Variants in TRHDE observed in about 807,000 individuals in gnomAD.
TRHDE encodes thyrotropin releasing hormone degrading enzyme.
Under a neutral mutation model 125.7 loss-of-function variants are expected in TRHDE, and 72 were observed. The ratio of observed to expected loss-of-function variants is 0.57; its 90% CI spans 0.47 to 0.70. The LOEUF (loss-of-function observed/expected upper bound fraction) is 0.70. Ranked by LOEUF, TRHDE falls within the 30% of genes least tolerant of loss-of-function variation. The pLI is 0.00. For synonymous variants in TRHDE, 509 were observed against 509.1 expected (o/e 1.00, Z 0.00); for missense variants, 1,110 against 1,327.1 (o/e 0.84, Z 2.54).
intron 2 of TRHDE, among the ~76,000 whole-genome samples, chr12:72,291,102 C>T (rs540172725): frequency 3.3e-5 from 5 of 152,284 alleles, no homozygotes; most frequent in African/African-American, 1.2e-4. Context: ...CAACATCAGG[C>T]TCAGACTTGA....
Position 72,551,200 on chromosome 12 carries a change from C to T in TRHDE, c.1788+8844C>T, listed in dbSNP as rs146406944. 1.1e-4 allele frequency among the ~76,000 whole-genome samples: 16 copies of T among 152,124 alleles called. No homozygotes were observed. The East Asian group carries it at 3.1e-3, about 29-fold the overall frequency. ...TAGTGGCTTAGGAGTGTTGCAAAGA[C>T]TTAAGTTACATGTTTTGAACCTGGT... On this transcript the variant is annotated intron_variant, in intron 7 of 18. Transcript: ENST00000261180.
rs1592577787 is a variant in TRHDE at position 72,621,317 on chromosome 12, C to CT, written c.2567+114dup. On this transcript the variant is annotated intron_variant, in intron 14 of 18. Coordinates refer to ENST00000261180, the MANE Select transcript of TRHDE (RefSeq NM_013381.3). The stretch of plus-strand genomic sequence containing the variant: ...AGACAATCTTCCTTTCATTCTTCAT[C>CT]TTACATTTCACTTTCCCGAGAGGAC... The CT allele has an allele frequency of 5.4e-6, 4 of 744,560 alleles. No homozygotes were observed. In the East Asian group the frequency reaches 8.0e-5, roughly 15 times the overall value. 46.1% of individuals were successfully genotyped at this position (744,560 alleles called of 1,614,324 possible).
intron 2 of TRHDE, among the ~76,000 whole-genome samples, chr12:72,266,690 T>C (rs998580597): frequency 3.3e-5 from 5 of 151,994 alleles, no homozygotes; most frequent in African/African-American, 1.2e-4. Context: ...TAGCAAGTAT[T>C]CATTATGCAA....
At chr12:72,140,652 T>C (rs970636983) in intron 2 of TRHDE, among the ~76,000 whole-genome samples, 1 of 152,178 alleles carries the variant, frequency 6.6e-6, no homozygotes, top group Non-Finnish European at 1.5e-5. Flanking sequence ...AATGAGAATA[T>C]AATTATTTTT....
intron 2 of TRHDE, among the ~76,000 whole-genome samples, chr12:72,130,188 T>C (rs1875828500): frequency 6.6e-6 from 1 of 152,072 alleles, no homozygotes; most frequent in Admixed American, 6.6e-5. Context: ...TAATCCCAGC[T>C]ACTCGGGAGG....
chr12:72,493,071 T>C (rs2135928409), intron 5 of TRHDE, among the ~76,000 whole-genome samples: 1 of 152,046 alleles, frequency 6.6e-6, no homozygotes, highest in East Asian at 1.9e-4. Context: ...GGACCTCCTA[T>C]AGAAGAGGGA....
intron 10 of TRHDE, among the ~76,000 whole-genome samples, chr12:72,570,843 C>T (rs972657199): frequency 2.0e-5 from 3 of 152,132 alleles, no homozygotes; most frequent in Non-Finnish European, 4.4e-5. Flanking sequence ...TGGCACAGGC[C>T]CTCACCCCAA....
intron 2 of TRHDE, among the ~76,000 whole-genome samples, chr12:72,289,162 T>A (rs891322834): frequency 1.3e-5 from 2 of 152,086 alleles, no homozygotes; most frequent in Non-Finnish European, 2.9e-5. Context: ...ATCTTGGATG[T>A]GGGATGATCA....
rs185393422 is a variant in TRHDE at position 72,379,534 on chromosome 12, T to C, written c.1315+1413T>C. Among the ~76,000 whole-genome samples the C allele has an allele frequency of 3.1e-3, 477 of 152,332 alleles. 1 individual carries two copies. Among genetic ancestry groups the C allele is most frequent in the African/African-American group, 0.011 (442 of 41,578 alleles). On this transcript the variant is annotated intron_variant, in intron 3 of 18. Transcript: ENST00000261180. ...TATAACTGGCTGGGAACTTCCCAGC[T>C]TGACCCTAATGTAAAATTCACAAGT... is the stretch of plus-strand genomic sequence containing the variant.
chr12:72,348,948 A>AT (rs1366007665), intron 2 of TRHDE, among the ~76,000 whole-genome samples: 3 of 151,460 alleles, frequency 2.0e-5, no homozygotes, highest in African/African-American at 4.8e-5. Context: ...GGTAAGTTTG[A>AT]TTTTTTGTTT....
chr12:72,401,029 C>CT (rs1409425486), intron 3 of TRHDE, among the ~76,000 whole-genome samples: 1 of 152,010 alleles, frequency 6.6e-6, no homozygotes, highest in African/African-American at 2.4e-5. Context: ...CCAATTTCTC[C>CT]TTTTTTTCTA....
chr12:72,248,216 G>A (rs1001508617), intron 2 of TRHDE, among the ~76,000 whole-genome samples: 1 of 152,138 alleles, frequency 6.6e-6, no homozygotes, highest in African/African-American at 2.4e-5. Context: ...TCAAGAGATC[G>A]AGATCATCCT....
chr12:72,122,098 G>A (rs1162113607), intron 2 of TRHDE, among the ~76,000 whole-genome samples: 1 of 151,986 alleles, frequency 6.6e-6, no homozygotes, highest in African/African-American at 2.4e-5. Flanking sequence ...GAGGGTTCTA[G>A]TTTGTCCTTG....
chr12:72,097,564 C>T (rs1169873583), intron 1 of TRHDE, among the ~76,000 whole-genome samples: 1 of 151,372 alleles, frequency 6.6e-6, no homozygotes, highest in Non-Finnish European at 1.5e-5. Flanking sequence ...ATTCTCCCAC[C>T]TCAGTCTCCT....
intron 1 of TRHDE, among the ~76,000 whole-genome samples, chr12:72,278,192 A>G (rs1004910368): frequency 1.3e-5 from 2 of 152,062 alleles, no homozygotes; most frequent in African/African-American, 4.8e-5. Context: ...AGATCATGCA[A>G]TATTTGTCTT....
chr12:72,154,049 C>G (rs916925067), intron 2 of TRHDE, among the ~76,000 whole-genome samples: 7 of 152,288 alleles, frequency 4.6e-5, no homozygotes, highest in African/African-American at 1.7e-4. Flanking sequence ...TTGTAGGTCT[C>G]TAAGGACTTG....
At chr12:72,156,832 A>G (rs1334364033) in intron 2 of TRHDE, among the ~76,000 whole-genome samples, 2 of 152,190 alleles carry the variant, frequency 1.3e-5, no homozygotes, top group Non-Finnish European at 2.9e-5. Context: ...CCCCAAGTAT[A>G]GGGAATGCTA....
intron 2 of TRHDE, among the ~76,000 whole-genome samples, chr12:72,227,901 C>T (rs148424556): frequency 6.2e-4 from 94 of 152,310 alleles, no homozygotes; most frequent in South Asian, 3.3e-3. Flanking sequence ...CTCCATGTCT[C>T]ATATCCAGGT....
chr12:72,221,366 T>G (rs759184682), intron 2 of TRHDE, among the ~76,000 whole-genome samples: 4 of 152,070 alleles, frequency 2.6e-5, no homozygotes, highest in Admixed American at 6.6e-5. Flanking sequence ...TGAAGAAATA[T>G]ATCAAGTTCC....
Sources: gnomAD v4.1 joint callset for allele counts (sites outside exome capture counted in the v4.1 genomes callset) on GRCh38, gnomAD v4.1.1 for gene constraint, MANE v1.5 for transcripts, NCBI Gene and HGNC (gene_info 2026-07-23, HGNC 2026-07-21) for gene names.